Variants in PKHD1 observed in about 807,000 individuals in gnomAD.
PKHD1 encodes fibrocystin.
In PKHD1, 291 loss-of-function variants were observed where a neutral mutation model predicts 412.0. The ratio of observed to expected loss-of-function variants is 0.71; its 90% CI spans 0.64 to 0.78. PKHD1 has a LOEUF of 0.78. PKHD1 is among the 30% of genes least tolerant of loss of function. PKHD1 has a pLI of 0.00. For missense variants in PKHD1, 4,825 were observed against 4,950.7 expected (o/e 0.97, Z 0.76); for synonymous variants, 1,777 against 1,821.5 (o/e 0.98, Z 0.62).
intron 49 of PKHD1, among the ~76,000 whole-genome samples, chr6:51,848,483 T>C (rs1017684876): frequency 6.6e-6 from 1 of 152,182 alleles, no homozygotes; most frequent in African/African-American, 2.4e-5. Flanking sequence ...TACTGTCCCA[T>C]TTTTACATTG....
chr6:51,743,033 A>C (rs2150955517), intron 60 of PKHD1, among the ~76,000 whole-genome samples: 1 of 152,280 alleles, frequency 6.6e-6, no homozygotes, highest in Non-Finnish European at 1.5e-5. Flanking sequence ...AGGATAAGTA[A>C]GTAAAAGGCG....
chr6:51,850,045 T>C (rs1583024276), intron 49 of PKHD1, among the ~76,000 whole-genome samples: 1 of 152,352 alleles, frequency 6.6e-6, no homozygotes, highest in Non-Finnish European at 1.5e-5. Context: ...TGTAAGTCTT[T>C]AATCCATCTT....
At chr6:51,778,262 C>T (rs1322458349) in intron 53 of PKHD1, among the ~76,000 whole-genome samples, 3 of 152,100 alleles carry the variant, frequency 2.0e-5, no homozygotes, top group Non-Finnish European at 4.4e-5. Flanking sequence ...CTAAACTATA[C>T]TAAGAGGCAT....
chr6:51,740,267 G>C (rs1379443664), intron 60 of PKHD1, among the ~76,000 whole-genome samples: 2 of 152,244 alleles, frequency 1.3e-5, no homozygotes, highest in Admixed American at 1.3e-4. Context: ...CCCACTGGCA[G>C]AGTGTTCCTC....
intron 4 of PKHD1, 121 bp from the exon 5 acceptor site, chr6:52,080,129 C>CAT: frequency 7.0e-6 from 5 of 711,818 alleles, no homozygotes; most frequent in Non-Finnish European, 1.0e-5. Flanking sequence ...CAAGGATTCC[C>CAT]AGCAGTCACC....
chr6:51,912,286 C>A (rs894723519), intron 38 of PKHD1, 80 bp downstream of exon 38: 10 of 873,292 alleles, frequency 1.1e-5, no homozygotes, highest in Non-Finnish European at 2.0e-5. Context: ...TTGAAAGACC[C>A]CAATACAAAT....
At chr6:51,959,416 T>A (rs1223288171) in intron 36 of PKHD1, among the ~76,000 whole-genome samples, 1 of 152,132 alleles carries the variant, frequency 6.6e-6, no homozygotes, top group Non-Finnish European at 1.5e-5. Flanking sequence ...GGTTTTGCAA[T>A]AAGAAAGCCT....
At position 51,860,360 on chromosome 6, in the gene PKHD1, C is replaced by A. The variant is rs148985225; in HGVS notation, c.7734-4290G>T. On this transcript the variant is annotated intron_variant, in intron 48 of 66. Coordinates refer to ENST00000371117, the MANE Select transcript of PKHD1 (RefSeq NM_138694.4). ...ATGCCAGAATTGACCATGGAGGGGTCTTCTGAAAAGCACCAAAAGAACATC... is the reference window on the plus strand; with the variant it reads ...ATGCCAGAATTGACCATGGAGGGGTATTCTGAAAAGCACCAAAAGAACATC... Among the ~76,000 whole-genome samples the A allele has an allele frequency of 1.1e-3, 172 of 152,262 alleles. 4 individuals are homozygous for A. In the East Asian group the frequency reaches 0.03, roughly 26 times the overall value.
At chr6:51,899,759 T>A (rs973505449) in intron 43 of PKHD1, among the ~76,000 whole-genome samples, 4 of 152,352 alleles carry the variant, frequency 2.6e-5, no homozygotes, top group Admixed American at 2.0e-4. Context: ...ATTGTATATC[T>A]GGAAAGCCCC....
At chr6:52,046,237 C>G in intron 23 of PKHD1, 49 bp from the exon 24 acceptor site, 1 of 1,370,600 alleles carries the variant, frequency 7.3e-7, no homozygotes, top group East Asian at 2.3e-5. Context: ...AATTAATCCA[C>G]CTTACAGAGT....
At chr6:51,860,689 T>C (rs1389722924) in intron 48 of PKHD1, among the ~76,000 whole-genome samples, 2 of 152,208 alleles carry the variant, frequency 1.3e-5, no homozygotes, top group African/African-American at 2.4e-5. Context: ...CCCTTACCTC[T>C]GCATCAGCAA....
At chr6:51,866,071 A>G (rs1438161217) in intron 48 of PKHD1, among the ~76,000 whole-genome samples, 2 of 152,080 alleles carry the variant, frequency 1.3e-5, no homozygotes, top group African/African-American at 4.8e-5. Flanking sequence ...TGGTCCATGG[A>G]CAACATTTTG....
chr6:51,841,752 C>T lies in PKHD1; in HGVS notation c.8108-5283G>A, dbSNP rs139709926. Among the ~76,000 whole-genome samples the T allele has an allele frequency of 5.1e-3, 772 of 152,304 alleles. 7 individuals carry two copies. Among genetic ancestry groups the T allele is most frequent in the Non-Finnish European group, 6.8e-3 (462 of 68,026 alleles). The stretch of plus-strand genomic sequence containing the variant: ...CCAAGAGGTCACAGGAGCCAGCTGA[C>T]GCCACTCTCCTCCTTAGATCCTAAA... On this transcript the variant is annotated intron_variant, in intron 50 of 66. Coordinates refer to ENST00000371117, the MANE Select transcript of PKHD1 (RefSeq NM_138694.4).
chr6:51,979,880 G>A (rs188822493), intron 35 of PKHD1, among the ~76,000 whole-genome samples: 2 of 152,270 alleles, frequency 1.3e-5, no homozygotes, highest in African/African-American at 4.8e-5. Context: ...TCCAAGGACT[G>A]TCTCCATTTA....
chr6:51,911,475 G>A (rs1782930127), intron 39 of PKHD1, among the ~76,000 whole-genome samples: 1 of 151,994 alleles, frequency 6.6e-6, no homozygotes, highest in African/African-American at 2.4e-5. Context: ...TCTTAGAAGT[G>A]GCCTGGAATT....
chr6:51,979,958 A>C (rs1794931127), intron 35 of PKHD1, among the ~76,000 whole-genome samples: 1 of 152,196 alleles, frequency 6.6e-6, no homozygotes, highest in South Asian at 2.1e-4. Context: ...CCCTGCGCTC[A>C]GTGCCCACTG....
intron 51 of PKHD1, among the ~76,000 whole-genome samples, chr6:51,834,141 T>A (rs1340628701): frequency 6.6e-6 from 1 of 152,102 alleles, no homozygotes; most frequent in Non-Finnish European, 1.5e-5. Context: ...AAAGGAAAAT[T>A]CAGTATCCAC....
chr6:51,733,226 CA>C (rs1390338978), intron 60 of PKHD1, among the ~76,000 whole-genome samples: 1 of 151,974 alleles, frequency 6.6e-6, no homozygotes, highest in Non-Finnish European at 1.5e-5. Context: ...TATTTAATAC[CA>C]CTGAACTGTA....
intron 35 of PKHD1, chr6:51,975,556 C>A (rs567285265): frequency 6.9e-6 from 1 of 144,762 alleles, no homozygotes; most frequent in African/African-American, 2.5e-5. Flanking sequence ...TTCAACATCA[C>A]TAATTATGAG....
Sources: gnomAD v4.1 joint callset for allele counts (sites outside exome capture counted in the v4.1 genomes callset) on GRCh38, gnomAD v4.1.1 for gene constraint, MANE v1.5 for transcripts, NCBI Gene and HGNC (gene_info 2026-07-23, HGNC 2026-07-21) for gene names.